The following TOM1L2 variants were observed in gnomAD, a reference collection of about 807,000 sequenced individuals.
The protein encoded by TOM1L2 is TOM1-like protein 2.
Under a neutral mutation model 67.9 loss-of-function variants are expected in TOM1L2, and 31 were observed. That is an observed-to-expected ratio of 0.46 (90% CI 0.34 to 0.62). The LOEUF is 0.62. Ranked by LOEUF, TOM1L2 falls within the 20% of genes least tolerant of loss-of-function variation. The pLI, the probability that TOM1L2 is intolerant of heterozygous loss-of-function variation, is 0.01. For missense variants in TOM1L2, 606 were observed against 663.5 expected, an observed-to-expected ratio of 0.91 and a Z score of 0.95; for synonymous variants, 256 against 254.0, an observed-to-expected ratio of 1.01 and a Z score of -0.07.
intron 1 of TOM1L2, among the ~76,000 whole-genome samples, chr17:17,963,482 C>T (rs1309371272): frequency 6.6e-6 from 1 of 152,196 alleles, no homozygotes; most frequent in Non-Finnish European, 1.5e-5. Context: ...CTACTTGAGC[C>T]AGGAAACCTT....
chr17:17,865,494 A>T (rs919610795), intron 10 of TOM1L2, among the ~76,000 whole-genome samples: 5 of 151,640 alleles, frequency 3.3e-5, no homozygotes, highest in African/African-American at 1.2e-4. Flanking sequence ...CTCCTGCTTC[A>T]GCCTCCTGAG....
At position 17,884,693 on chromosome 17, in the gene TOM1L2, C is replaced by G. The variant is rs748084321; in HGVS notation, c.442G>C (p.Gly148Arg). Residue 148 changes from glycine to arginine, a missense_variant, in exon 5 of 15, where the codon GGG becomes CGG. By Grantham distance (125) the Gly-to-Arg change is moderately radical. Around this residue, in one of 2 missense-constraint regions of TOM1L2, gnomAD observed 543 missense variants for 554.0 expected, o/e 0.98. Coordinates refer to ENST00000379504, the MANE Select transcript of TOM1L2 (RefSeq NM_001082968.2). ...AAGTCTGCCATGGGAAATTCAACCCCTTTCCTCTTCAGCTCCTCATATATG... is the reference window on the plus strand; with the variant it reads ...AAGTCTGCCATGGGAAATTCAACCCGTTTCCTCTTCAGCTCCTCATATATG... ...VHIYEELKRK[G>R]VEFPMADLDA... The G allele has an allele frequency of 6.2e-7, 1 of 1,614,092 alleles. No homozygotes were observed. The highest frequency in any genetic ancestry group is 1.7e-5 in the Admixed American group (1 of 60,014).
chr17:17,891,986 T>C (rs1291613108), intron 4 of TOM1L2, among the ~76,000 whole-genome samples: 2 of 152,162 alleles, frequency 1.3e-5, no homozygotes, highest in Admixed American at 6.5e-5. Flanking sequence ...TACACTGCTC[T>C]AGACCCTGGG....
At chr17:17,915,952 T>C (rs1346957117) in intron 1 of TOM1L2, among the ~76,000 whole-genome samples, 1 of 152,058 alleles carries the variant, frequency 6.6e-6, no homozygotes, top group Non-Finnish European at 1.5e-5. Flanking sequence ...TATCTTTTAA[T>C]GCACAAAAGT....
chr17:17,847,759 C>T lies in TOM1L2; in HGVS notation c.1400G>A (p.Arg467Lys), dbSNP rs1198204191. Reference protein sequence around the residue: ...SEEFDKFLEERAKAAEMVPDL... With the variant: ...SEEFDKFLEEKAKAAEMVPDL... The stretch of plus-strand genomic sequence containing the variant: ...GGGAACCATTTCAGCAGCTTTGGCT[C>T]TTTCTTCAAGGAATTTATCAAACTC... The change falls in exon 15 of 15, where the codon AGA (arginine) becomes AAA (lysine). Residue 467 changes from arginine (R) to lysine (K), a missense_variant. By Grantham distance (26) the Arg-to-Lys change is conservative. Around this residue, in one of 2 missense-constraint regions of TOM1L2, gnomAD observed 543 missense variants for 554.0 expected, o/e 0.98. Coordinates refer to ENST00000379504, the MANE Select transcript of TOM1L2 (RefSeq NM_001082968.2). The T allele has an allele frequency of 6.2e-7, 1 of 1,614,074 alleles. No homozygotes were observed. Among genetic ancestry groups the T allele is most frequent in the East Asian group, 2.2e-5 (1 of 44,882 alleles).
intron 1 of TOM1L2, among the ~76,000 whole-genome samples, chr17:17,944,341 C>A (rs2040855688): frequency 6.6e-6 from 1 of 152,234 alleles, no homozygotes; most frequent in Admixed American, 6.5e-5. Context: ...CGGTGCCCTT[C>A]ATGAGTCTGT....
intron 12 of TOM1L2, among the ~76,000 whole-genome samples, chr17:17,857,248 C>T (rs1348952212): frequency 1.3e-5 from 2 of 152,190 alleles, no homozygotes; most frequent in Non-Finnish European, 2.9e-5. Flanking sequence ...CCACTGCACC[C>T]GGCCTGTGTA....
At chr17:17,884,874 T>C (rs1486430737) in intron 4 of TOM1L2, 106 bp from the exon 5 acceptor site, 8 of 1,452,734 alleles carry the variant, frequency 5.5e-6, no homozygotes, top group Admixed American at 1.8e-5. Flanking sequence ...CTCTCCTACT[T>C]GCACATGCAA....
At chr17:17,909,700 GAAC>G (rs1193922895) in intron 1 of TOM1L2, among the ~76,000 whole-genome samples, 1 of 152,152 alleles carries the variant, frequency 6.6e-6, no homozygotes, top group Admixed American at 6.6e-5. Flanking sequence ...CACACAATGT[GAAC>G]ATACTTAATG....
intron 1 of TOM1L2, among the ~76,000 whole-genome samples, chr17:17,932,266 C>T (rs2040365892): frequency 6.6e-6 from 1 of 152,070 alleles, no homozygotes; most frequent in Non-Finnish European, 1.5e-5. Context: ...AACTTATGAA[C>T]ATGCTTTTTA....
intron 1 of TOM1L2, among the ~76,000 whole-genome samples, chr17:17,936,705 G>T (rs1598370462): frequency 6.6e-6 from 1 of 152,194 alleles, no homozygotes; most frequent in East Asian, 1.9e-4. Context: ...AATTAAAAAT[G>T]ATTATTCTAT....
chr17:17,947,748 G>A (rs1270257697), intron 1 of TOM1L2, among the ~76,000 whole-genome samples: 2 of 152,194 alleles, frequency 1.3e-5, no homozygotes, highest in Non-Finnish European at 1.5e-5. Flanking sequence ...AGGAAGCTCA[G>A]GCTCAAAGAG....
chr17:17,940,143 A>G (rs2040671076), intron 1 of TOM1L2, among the ~76,000 whole-genome samples: 1 of 144,270 alleles, frequency 6.9e-6, no homozygotes, highest in South Asian at 2.3e-4. Context: ...CAGTGAGCTG[A>G]GATCACGCCT....
At chr17:17,889,426 C>T (rs2038161206) in intron 4 of TOM1L2, among the ~76,000 whole-genome samples, 1 of 152,164 alleles carries the variant, frequency 6.6e-6, no homozygotes, top group South Asian at 2.1e-4. Context: ...TCCCTATAGG[C>T]ACAGGGGGAC....
intron 3 of TOM1L2, among the ~76,000 whole-genome samples, chr17:17,896,170 G>A (rs763488691): frequency 1.3e-5 from 2 of 152,078 alleles, no homozygotes; most frequent in Non-Finnish European, 2.9e-5. Flanking sequence ...ATGAACCAGA[G>A]GGGTTCTTTC....
intron 10 of TOM1L2, among the ~76,000 whole-genome samples, chr17:17,863,809 A>G (rs1054041808): frequency 9.2e-5 from 14 of 151,942 alleles, no homozygotes; most frequent in Admixed American, 6.6e-5. Context: ...TCGGCCTCCC[A>G]AAGTGATGAG....
intron 13 of TOM1L2, among the ~76,000 whole-genome samples, chr17:17,849,686 G>A (rs1264521867): frequency 1.3e-5 from 2 of 152,286 alleles, no homozygotes; most frequent in Non-Finnish European, 2.9e-5. Flanking sequence ...GCCCTGGGCT[G>A]GGCTAGGAGA....
At chr17:17,949,067 A>G (rs1485899346) in intron 1 of TOM1L2, among the ~76,000 whole-genome samples, 1 of 152,204 alleles carries the variant, frequency 6.6e-6, no homozygotes, top group Non-Finnish European at 1.5e-5. Context: ...CATGAGGTGA[A>G]AGCAGGTCAG....
rs191396229 is a variant in TOM1L2, at chr17:17,939,469, T to C, written c.53-31938A>G. Among the ~76,000 whole-genome samples the C allele has an allele frequency of 2.1e-3, 320 of 152,322 alleles. 1 individual carries two copies. The highest frequency in any genetic ancestry group is 7.0e-3 in the African/African-American group (292 of 41,568). ...ACATTTTAAAAGTACAATCACAGTA[T>C]TGTGATTGTTTCTAAAATGAGTCAT... is the stretch of plus-strand genomic sequence containing the variant. On this transcript the variant is annotated intron_variant, in intron 1 of 14. Coordinates refer to ENST00000379504, the MANE Select transcript of TOM1L2 (RefSeq NM_001082968.2).
Sources: allele counts gnomAD v4.1 joint callset (sites outside exome capture counted in the v4.1 genomes callset), GRCh38; gene constraint gnomAD v4.1.1; regional missense constraint gnomAD v4.1.1; transcripts MANE v1.5; gene names NCBI Gene and HGNC (gene_info 2026-07-23, HGNC 2026-07-21).